Variants in CRACDL observed in about 807,000 individuals in gnomAD.
CRACDL encodes CRACD-like protein.
A neutral mutation model predicts 70.6 loss-of-function variants in CRACDL; 26 were observed. The observed-to-expected ratio is 0.37, with a 90% CI of 0.27 to 0.51. The LOEUF (loss-of-function observed/expected upper bound fraction) is 0.51. Ranked by LOEUF, CRACDL falls within the 20% of genes least tolerant of loss-of-function variation. CRACDL has a pLI of 0.94. For missense variants in CRACDL, 1,283 were observed against 1,376.9 expected (o/e 0.93, Z 1.08); for synonymous variants, 618 against 615.2 (o/e 1.00, Z -0.07).
intron 1 of CRACDL, among the ~76,000 whole-genome samples, chr2:98,907,815 T>C (rs113560075): frequency 0.028 from 4,278 of 152,294 alleles, 81 homozygotes; most frequent in Middle Eastern, 0.065. Context: ...ATGTCTGGGA[T>C]TGGAAGTCTG....
intron 1 of CRACDL, among the ~76,000 whole-genome samples, chr2:98,854,263 G>A (rs1165433062): frequency 7.9e-6 from 1 of 127,290 alleles, no homozygotes; most frequent in Non-Finnish European, 1.6e-5. Flanking sequence ...CCTGGTGAGA[G>A]AGTGAGACTC....
intron 3 of CRACDL, 105 bp downstream of exon 3, chr2:98,838,014 G>A (rs1705869624): frequency 1.0e-6 from 1 of 957,030 alleles, no homozygotes; most frequent in Admixed American, 3.0e-5. Flanking sequence ...ACCTCTAATG[G>A]AATTACCCAG....
At chr2:98,925,097 C>T (rs914731113) in intron 1 of CRACDL, among the ~76,000 whole-genome samples, 1 of 152,120 alleles carries the variant, frequency 6.6e-6, no homozygotes, top group African/African-American at 2.4e-5. Flanking sequence ...GAAGCTGCTG[C>T]CAGTAGGGGC....
intron 7 of CRACDL, among the ~76,000 whole-genome samples, chr2:98,808,684 C>A (rs1199736129): frequency 6.6e-6 from 1 of 152,194 alleles, no homozygotes; most frequent in Non-Finnish European, 1.5e-5. Flanking sequence ...TCCTGCCATA[C>A]CCTTGGCCCT....
At chr2:98,856,390 C>T (rs1212706689) in intron 1 of CRACDL, among the ~76,000 whole-genome samples, 1 of 152,016 alleles carries the variant, frequency 6.6e-6, no homozygotes, top group Admixed American at 6.6e-5. Context: ...TGAAGATGAA[C>T]TAGAGATATT....
chr2:98,813,864 A>G (rs1049875786), intron 7 of CRACDL, among the ~76,000 whole-genome samples: 4 of 152,196 alleles, frequency 2.6e-5, no homozygotes, highest in Admixed American at 2.0e-4. Flanking sequence ...GAAGGTTTTT[A>G]CCTACAGATT....
intron 3 of CRACDL, among the ~76,000 whole-genome samples, chr2:98,834,920 G>C (rs1014369320): frequency 1.3e-5 from 2 of 152,120 alleles, no homozygotes; most frequent in Admixed American, 6.5e-5. Flanking sequence ...CTTATTAGTA[G>C]TAATAATAAT....
chr2:98,808,008 G>C (rs1237265912), intron 7 of CRACDL, among the ~76,000 whole-genome samples: 1 of 152,218 alleles, frequency 6.6e-6, no homozygotes. Context: ...CTGTCAACCA[G>C]TCATACGTGG....
rs146869287 is a variant in CRACDL at position 98,835,503 on chromosome 2, T to C, written c.240-2506A>G. Among the ~76,000 whole-genome samples, 300 of 152,288 alleles carry C rather than the reference T, an allele frequency of 2.0e-3. 2 individuals carry two copies. The highest frequency in any genetic ancestry group is 6.9e-3 in the African/African-American group (287 of 41,548). On this transcript the variant is annotated intron_variant, in intron 3 of 9. Coordinates refer to ENST00000397899, the MANE Select transcript of CRACDL (RefSeq NM_207362.3). Reference sequence around the variant, plus strand: ...AGACGGAGCGAATTTCAAGTGACTCTCAACAGCCTAAGATGGAACAACTTG... The same window carrying C: ...AGACGGAGCGAATTTCAAGTGACTCCCAACAGCCTAAGATGGAACAACTTG...
chr2:98,838,633 C>A (rs1186095317), intron 2 of CRACDL, among the ~76,000 whole-genome samples: 1 of 152,168 alleles, frequency 6.6e-6, no homozygotes, highest in Non-Finnish European at 1.5e-5. Context: ...CACCGCTACA[C>A]TCCAGCCTTA....
intron 1 of CRACDL, among the ~76,000 whole-genome samples, chr2:98,911,113 C>T (rs1029549120): frequency 6.6e-6 from 1 of 152,162 alleles, no homozygotes; most frequent in Admixed American, 6.5e-5. Flanking sequence ...GGTGAGAGAC[C>T]CCCACGCCCG....
In CRACDL at chr2:98,794,636, G is replaced by A. The variant is rs1363208105; in HGVS notation, c.2785C>T (p.Gln929Ter). The change falls in exon 10 of 10, where the codon CAG (glutamine) becomes TAG (stop). Residue 929 changes from glutamine to a stop codon, truncating the protein, a stop_gained. Coordinates refer to ENST00000397899, the MANE Select transcript of CRACDL (RefSeq NM_207362.3). LOFTEE classifies it high-confidence loss of function. ...CTGGCATAACTGGCTCTCTTCAGCT[G>A]ATGCAGTTCCTTCTCCATCATCACT... ...SAVMMEKELH[Q>*]LKRASYASTD... 4.3e-6 allele frequency: 7 copies of A among 1,613,814 alleles called. No homozygotes were observed. Among genetic ancestry groups the A allele is most frequent in the Non-Finnish European group, 5.9e-6 (7 of 1,179,752 alleles).
At chr2:98,869,735 TGGGA>T (rs1558614472) in intron 1 of CRACDL, among the ~76,000 whole-genome samples, 1 of 152,230 alleles carries the variant, frequency 6.6e-6, no homozygotes, top group Non-Finnish European at 1.5e-5. Context: ...AGGGACCCTG[TGGGA>T]GGCACGCTCG....
At chr2:98,837,748 G>T (rs1369807843) in intron 3 of CRACDL, among the ~76,000 whole-genome samples, 10 of 151,992 alleles carry the variant, frequency 6.6e-5, no homozygotes, top group African/African-American at 2.2e-4. Context: ...CAACTTTAGA[G>T]AAATGCATTT....
chr2:98,809,266 T>A (rs1704454113), intron 7 of CRACDL, among the ~76,000 whole-genome samples: 1 of 152,018 alleles, frequency 6.6e-6, no homozygotes, highest in Admixed American at 6.6e-5. Flanking sequence ...GGTTTTGTCC[T>A]GCCTGGGCCT....
At chr2:98,914,018 T>C (rs1708606660) in intron 1 of CRACDL, among the ~76,000 whole-genome samples, 2 of 152,174 alleles carry the variant, frequency 1.3e-5, no homozygotes, top group African/African-American at 4.8e-5. Flanking sequence ...AGAATGGGCA[T>C]TGTATGTGCC....
At chr2:98,889,215 G>A (rs528573050) in intron 1 of CRACDL, among the ~76,000 whole-genome samples, 2 of 144,602 alleles carry the variant, frequency 1.4e-5, no homozygotes, top group Admixed American at 1.4e-4. Context: ...GAAGGAAGGG[G>A]AAGGAAGGAA....
intron 1 of CRACDL, among the ~76,000 whole-genome samples, chr2:98,934,232 T>A (rs1709153955): frequency 2.2e-5 from 3 of 134,870 alleles, no homozygotes. Flanking sequence ...TGAGCCTCAC[T>A]CTGCTGCCCA....
intron 1 of CRACDL, among the ~76,000 whole-genome samples, chr2:98,910,761 C>T (rs1023107867): frequency 6.6e-6 from 1 of 152,220 alleles, no homozygotes; most frequent in Non-Finnish European, 1.5e-5. Context: ...GCTCCATTCA[C>T]CTGCTGGTGG....
Sources: gnomAD v4.1 joint callset for allele counts (sites outside exome capture counted in the v4.1 genomes callset) on GRCh38, gnomAD v4.1.1 for gene constraint, MANE v1.5 for transcripts, NCBI Gene and HGNC (gene_info 2026-07-23, HGNC 2026-07-21) for gene names.